Variants in LUZP2 observed in about 807,000 individuals in gnomAD.
LUZP2 encodes leucine zipper protein 2.
A neutral mutation model predicts 51.6 loss-of-function variants in LUZP2; 52 were observed. That is an observed-to-expected ratio of 1.01 (90% CI 0.81 to 1.27). The LOEUF (loss-of-function observed/expected upper bound fraction) is 1.27, where lower values mean the gene tolerates loss of function less well. Ranked by LOEUF, LUZP2 falls within the 50% of genes most tolerant of loss-of-function variation. The pLI is 0.00. For synonymous variants in LUZP2, 154 were observed against 137.3 expected (o/e 1.12, Z -0.85); for missense variants, 436 against 395.4 (o/e 1.10, Z -0.87).
At chr11:24,964,247 C>T (rs1855515173) in intron 7 of LUZP2, among the ~76,000 whole-genome samples, 1 of 152,086 alleles carries the variant, frequency 6.6e-6, no homozygotes, top group African/African-American at 2.4e-5. Context: ...TGGTAACTGG[C>T]ACATTTACCT....
chr11:24,999,700 T>C (rs915937613), intron 9 of LUZP2, among the ~76,000 whole-genome samples: 6 of 152,126 alleles, frequency 3.9e-5, no homozygotes, highest in African/African-American at 1.2e-4. Context: ...TGCAATGTTA[T>C]ATATATTTCT....
chr11:24,546,967 TGGTGGTGGTGGTGG>T (rs1564983119), intron 1 of LUZP2, among the ~76,000 whole-genome samples: 945 of 5,002 alleles, frequency 0.19, 6 homozygotes, highest in Admixed American at 0.31. Context: ...TTGTTGTTGG[TGGTGGTGGTGGTGG>T]TGGTGGTGGT....
At chr11:24,775,367 A>C in intron 5 of LUZP2, among the ~76,000 whole-genome samples, 1 of 152,188 alleles carries the variant, frequency 6.6e-6, no homozygotes, top group East Asian at 1.9e-4. Context: ...TTGCAAAGAA[A>C]ATATTTGTGG....
rs997187811 is a variant in LUZP2 at position 25,080,345 on chromosome 11, G to A, written c.*1687G>A. ...CGTTTAAGCAGGTTTAAGTTAGGGT[G>A]GGCTATGATTTTCCATTTAGGTATC... On this transcript the variant is annotated 3_prime_UTR_variant, in exon 12 of 12. Coordinates refer to ENST00000336930, the MANE Select transcript of LUZP2 (RefSeq NM_001009909.4). The A allele has an allele frequency of 6.6e-6, 1 of 152,116 alleles. No homozygotes were observed. The highest frequency in any genetic ancestry group is 1.5e-5 in the Non-Finnish European group (1 of 68,032). 9.4% of individuals were successfully genotyped at this position (152,116 alleles called of 1,614,324 possible). A position where few individuals can be genotyped will look rare whatever the true frequency, so the allele number is the denominator to read the frequency against.
intron 10 of LUZP2, among the ~76,000 whole-genome samples, chr11:25,064,074 A>G (rs1858927001): frequency 6.7e-6 from 1 of 148,440 alleles, no homozygotes; most frequent in South Asian, 2.1e-4. Flanking sequence ...TAGCCTGAAT[A>G]TATTCCCATG....
chr11:24,867,679 C>G (rs931287299), intron 5 of LUZP2, among the ~76,000 whole-genome samples: 6 of 152,066 alleles, frequency 3.9e-5, no homozygotes, highest in Non-Finnish European at 8.8e-5. Context: ...TGTCAAGGAA[C>G]TTGGGACAAG....
rs576898822 is a variant in LUZP2, at chr11:25,056,268, C to T, written c.858+6138C>T. ...ATCTGAAACTAGAATTAGCAGTTGGCGGAAGTACTATAATATATAATAGAA... is the reference window on the plus strand; with the variant it reads ...ATCTGAAACTAGAATTAGCAGTTGGTGGAAGTACTATAATATATAATAGAA... On this transcript the variant is annotated intron_variant, in intron 10 of 11. Transcript: ENST00000336930. Among the ~76,000 whole-genome samples the T allele has an allele frequency of 6.8e-4, 103 of 151,920 alleles. 1 individual carries two copies. Among genetic ancestry groups the T allele is most frequent in the African/African-American group, 2.2e-3 (92 of 41,442 alleles).
chr11:24,609,623 G>C (rs1186920494), intron 1 of LUZP2, among the ~76,000 whole-genome samples: 1 of 148,746 alleles, frequency 6.7e-6, no homozygotes, highest in East Asian at 2.0e-4. Context: ...CCAGCTACTC[G>C]GAAGGCTGAG....
chr11:24,964,372 A>G (rs145056171), intron 7 of LUZP2, among the ~76,000 whole-genome samples: 132 of 152,318 alleles, frequency 8.7e-4, no homozygotes, highest in African/African-American at 3.1e-3. Flanking sequence ...AACAGGATGT[A>G]TGTGGGATAA....
At chr11:25,023,612 G>GT (rs1196845770) in intron 9 of LUZP2, among the ~76,000 whole-genome samples, 5 of 151,782 alleles carry the variant, frequency 3.3e-5, no homozygotes, top group South Asian at 2.1e-4. Flanking sequence ...TTTTTGAAGG[G>GT]TTTTTTATGT....
intron 1 of LUZP2, among the ~76,000 whole-genome samples, chr11:24,569,573 A>G (rs1251847638): frequency 6.6e-6 from 1 of 152,060 alleles, no homozygotes; most frequent in Admixed American, 6.6e-5. Flanking sequence ...CTACATGCCA[A>G]TGAAAATAGG....
chr11:24,901,082 CA>C (rs1853266659), intron 5 of LUZP2, among the ~76,000 whole-genome samples: 4 of 151,958 alleles, frequency 2.6e-5, no homozygotes, highest in African/African-American at 9.6e-5. Context: ...AGAACAAAAA[CA>C]AAAAAGAGCA....
intron 7 of LUZP2, among the ~76,000 whole-genome samples, chr11:24,933,569 T>C (rs1375212102): frequency 6.6e-6 from 1 of 152,204 alleles, no homozygotes; most frequent in Non-Finnish European, 1.5e-5. Flanking sequence ...CATGCTTTAG[T>C]AAGGGCTTCA....
chr11:24,869,465 T>C (rs1046738543), intron 5 of LUZP2, among the ~76,000 whole-genome samples: 1 of 147,198 alleles, frequency 6.8e-6, no homozygotes, highest in Non-Finnish European at 1.5e-5. Flanking sequence ...TTATTATTAT[T>C]ATCATTATTT....
intron 1 of LUZP2, among the ~76,000 whole-genome samples, chr11:24,532,564 G>A (rs867553515): frequency 4.0e-5 from 6 of 150,876 alleles, no homozygotes; most frequent in Middle Eastern, 6.8e-3. Context: ...CAAAAAAGTC[G>A]CTATAACTAG....
At chr11:24,506,401 A>G (rs925778772) in intron 1 of LUZP2, among the ~76,000 whole-genome samples, 3 of 152,148 alleles carry the variant, frequency 2.0e-5, no homozygotes, top group Non-Finnish European at 2.9e-5. Context: ...AATTGGAGTA[A>G]CATCTTAGGA....
At chr11:24,760,168 A>C (rs1276681149) in intron 4 of LUZP2, among the ~76,000 whole-genome samples, 1 of 152,160 alleles carries the variant, frequency 6.6e-6, no homozygotes, top group Non-Finnish European at 1.5e-5. Flanking sequence ...AATCAATAGT[A>C]GGGAGTGTCT....
At chr11:24,618,724 C>T (rs1004364397) in intron 1 of LUZP2, among the ~76,000 whole-genome samples, 4 of 152,128 alleles carry the variant, frequency 2.6e-5, no homozygotes, top group South Asian at 4.1e-4. Flanking sequence ...CCTCCCTTCA[C>T]CTTTCAGAGT....
At chr11:24,933,794 G>A (rs1028059663) in intron 7 of LUZP2, among the ~76,000 whole-genome samples, 1 of 152,158 alleles carries the variant, frequency 6.6e-6, no homozygotes, top group Non-Finnish European at 1.5e-5. Flanking sequence ...GTGCAGGAGG[G>A]TTGAGTCCGA....
Sources: gnomAD v4.1 joint callset for allele counts (sites outside exome capture counted in the v4.1 genomes callset) on GRCh38, gnomAD v4.1.1 for gene constraint, MANE v1.5 for transcripts, NCBI Gene and HGNC (gene_info 2026-07-23, HGNC 2026-07-21) for gene names.